CACNA2D1: variants seen among roughly 807,000 people sequenced by gnomAD.
CACNA2D1 encodes the protein calcium voltage-gated channel auxiliary subunit alpha2delta 1.
A neutral mutation model predicts 171.5 loss-of-function variants in CACNA2D1; 53 were observed. That is an observed-to-expected ratio of 0.31 (90% CI 0.25 to 0.39). CACNA2D1 has a LOEUF of 0.39. Ranked by LOEUF, CACNA2D1 falls within the 10% of genes least tolerant of loss-of-function variation. The pLI is 1.00. For synonymous variants in CACNA2D1, 442 were observed against 443.1 expected, an observed-to-expected ratio of 1.00 and a Z score of 0.03; for missense variants, 903 against 1,299.8, an observed-to-expected ratio of 0.69 and a Z score of 4.69.
In CACNA2D1 at chr7:82,315,963, G is replaced by A. The variant is rs572446525; in HGVS notation, c.294+19172C>T. The stretch of plus-strand genomic sequence containing the variant: ...TAATTCCTTAGATCAATGTCACCAG[G>A]TGTTTTTTTTTTAAATATTATTTGC... On this transcript the variant is annotated intron_variant, in intron 3 of 38. Transcript: ENST00000356860. 4.6e-5 allele frequency among the ~76,000 whole-genome samples: 7 copies of A among 151,178 alleles called. No homozygotes were observed. The South Asian group carries it at 1.5e-3, about 32-fold the overall frequency.
intron 3 of CACNA2D1, among the ~76,000 whole-genome samples, chr7:82,301,616 G>A (rs1359525367): frequency 2.0e-5 from 3 of 152,092 alleles, no homozygotes; most frequent in Non-Finnish European, 4.4e-5. Flanking sequence ...ATAGATGGTA[G>A]AAAATTTGAT....
chr7:82,129,566 A>G (rs969881709), intron 5 of CACNA2D1, among the ~76,000 whole-genome samples: 1 of 152,200 alleles, frequency 6.6e-6, no homozygotes, highest in South Asian at 2.1e-4. Flanking sequence ...AGTGGTTTTC[A>G]TTTTGATGGT....
chr7:82,109,938 A>T (rs1426275786), intron 6 of CACNA2D1, among the ~76,000 whole-genome samples: 1 of 152,206 alleles, frequency 6.6e-6, no homozygotes, highest in Non-Finnish European at 1.5e-5. Flanking sequence ...CATGATCCAT[A>T]GCTAAACCCT....
intron 3 of CACNA2D1, among the ~76,000 whole-genome samples, chr7:82,198,827 TA>T (rs1408926213): frequency 1.3e-5 from 2 of 152,128 alleles, no homozygotes; most frequent in Admixed American, 1.3e-4. Context: ...TCCTTTTTAT[TA>T]AAAACTAATG....
intron 1 of CACNA2D1, among the ~76,000 whole-genome samples, chr7:82,391,210 A>G (rs888909652): frequency 5.9e-5 from 9 of 152,206 alleles, no homozygotes; most frequent in African/African-American, 1.9e-4. Flanking sequence ...CCAAGGTGGG[A>G]AAAAAAAGCA....
intron 1 of CACNA2D1, among the ~76,000 whole-genome samples, chr7:82,382,616 G>C (rs528002203): frequency 5.6e-4 from 86 of 152,328 alleles, no homozygotes; most frequent in African/African-American, 2.0e-3. Flanking sequence ...AAAAAGGAAA[G>C]TGACCCCTTA....
intron 3 of CACNA2D1, among the ~76,000 whole-genome samples, chr7:82,175,788 C>T (rs1392895691): frequency 6.6e-6 from 1 of 151,980 alleles, no homozygotes; most frequent in East Asian, 1.9e-4. Flanking sequence ...ACATTTTCTA[C>T]TTGGCATTCT....
Position 82,202,374 on chromosome 7 carries a change from T to A in CACNA2D1, c.295-31765A>T, listed in dbSNP as rs117662896. 6.0e-4 allele frequency among the ~76,000 whole-genome samples: 92 copies of A among 152,248 alleles called. 1 individual carries two copies. In the East Asian group the frequency reaches 0.016, roughly 26 times the overall value. ...CTGACACTTGGTATAGCCAGCAGGA[T>A]ACTGAGGAGAGTGAGCCTTTGGTCC... is the stretch of plus-strand genomic sequence containing the variant. On this transcript the variant is annotated intron_variant, in intron 3 of 38. Transcript: ENST00000356860.
chr7:82,298,019 T>C (rs1198291061), intron 3 of CACNA2D1, among the ~76,000 whole-genome samples: 2 of 152,134 alleles, frequency 1.3e-5, no homozygotes, highest in African/African-American at 4.8e-5. Context: ...TAAAACAAAA[T>C]TATTATGAAA....
intron 1 of CACNA2D1, among the ~76,000 whole-genome samples, chr7:82,368,649 A>G (rs1822012568): frequency 6.6e-6 from 1 of 152,200 alleles, no homozygotes; most frequent in Admixed American, 6.5e-5. Flanking sequence ...ATTATTGAAC[A>G]AAAAATAAAA....
intron 5 of CACNA2D1, among the ~76,000 whole-genome samples, chr7:82,130,535 A>G (rs1289801718): frequency 6.6e-6 from 1 of 152,066 alleles, no homozygotes; most frequent in African/African-American, 2.4e-5. Flanking sequence ...AACATATTTG[A>G]GACCAATGTC....
intron 3 of CACNA2D1, among the ~76,000 whole-genome samples, chr7:82,232,545 T>G (rs919839292): frequency 9.2e-5 from 14 of 152,120 alleles, no homozygotes; most frequent in African/African-American, 3.1e-4. Context: ...TAATTGCCCC[T>G]GTTTTTACAA....
chr7:81,976,268 A>G (rs1795828369), intron 24 of CACNA2D1, among the ~76,000 whole-genome samples: 1 of 152,098 alleles, frequency 6.6e-6, no homozygotes, highest in Admixed American at 6.6e-5. Flanking sequence ...AGTTTTTTCT[A>G]ATTCTGTGAA....
chr7:82,105,469 A>T (rs2129041531), intron 6 of CACNA2D1, among the ~76,000 whole-genome samples: 1 of 123,798 alleles, frequency 8.1e-6, no homozygotes, highest in Admixed American at 9.6e-5. Context: ...AAATTAAATT[A>T]TTCTGGAATT....
intron 21 of CACNA2D1, among the ~76,000 whole-genome samples, chr7:81,990,202 A>G (rs1261310339): frequency 2.6e-5 from 4 of 152,196 alleles, no homozygotes; most frequent in African/African-American, 9.7e-5. Flanking sequence ...CAAACTGTCT[A>G]TTACAAGCCC....
At chr7:82,116,497 C>T (rs1789056218) in intron 6 of CACNA2D1, among the ~76,000 whole-genome samples, 1 of 152,142 alleles carries the variant, frequency 6.6e-6, no homozygotes, top group South Asian at 2.1e-4. Context: ...TTTACCCAAG[C>T]ACTTCTTTTG....
At chr7:81,978,258 A>C (rs1475145318) in intron 24 of CACNA2D1, among the ~76,000 whole-genome samples, 1 of 152,178 alleles carries the variant, frequency 6.6e-6, no homozygotes, top group Non-Finnish European at 1.5e-5. Context: ...AAGGATTATA[A>C]ATCATTCTAT....
At chr7:82,011,980 A>G (rs1367463304) in intron 15 of CACNA2D1, 174 bp downstream of exon 15, 77 of 622,762 alleles carry the variant, frequency 1.2e-4, no homozygotes, top group Non-Finnish European at 5.8e-6. Context: ...TCTACTACAT[A>G]CGAGTCTATG....
At chr7:82,094,102 A>G (rs1811568233) in intron 6 of CACNA2D1, among the ~76,000 whole-genome samples, 2 of 152,204 alleles carry the variant, frequency 1.3e-5, no homozygotes, top group Admixed American at 1.3e-4. Context: ...GGTTTGTGTC[A>G]ACCAGTTTTA....
Sources: gnomAD v4.1 joint callset for allele counts (sites outside exome capture counted in the v4.1 genomes callset) on GRCh38, gnomAD v4.1.1 for gene constraint, MANE v1.5 for transcripts, NCBI Gene and HGNC (gene_info 2026-07-23, HGNC 2026-07-21) for gene names.